NIT2: variants seen among roughly 807,000 people sequenced by gnomAD.
NIT2 encodes the protein nitrilase family member 2, also known as omega-amidase NIT2.
Under a neutral mutation model 42.7 loss-of-function variants are expected in NIT2, and 46 were observed. That is an observed-to-expected ratio of 1.08 (90% confidence interval 0.85 to 1.38). NIT2 has a LOEUF of 1.38. Among genes scored for constraint, NIT2 ranks in the 40% most tolerant of loss-of-function variants. NIT2 has a pLI of 0.00. For missense variants in NIT2, 309 were observed against 342.5 expected (o/e 0.90, Z 0.77); for synonymous variants, 123 against 121.9 (o/e 1.01, Z -0.06).
intron 7 of NIT2, chr3:100,349,104 T>C: frequency 4.9e-6 from 2 of 404,310 alleles, no homozygotes; most frequent in Non-Finnish European, 9.0e-6. Context: ...TTTTGGAAAC[T>C]GTACTTTTTT....
At chr3:100,339,019 A>G in intron 1 of NIT2, 68 bp from the exon 2 acceptor site, 1 of 1,108,852 alleles carries the variant, frequency 9.0e-7, no homozygotes, top group East Asian at 2.4e-5. Context: ...CCATTTGAGA[A>G]CTATGGCTCT....
chr3:100,348,664 G>T, intron 6 of NIT2, 139 bp from the exon 7 acceptor site: 1 of 623,306 alleles, frequency 1.6e-6, no homozygotes. Context: ...ATTGCTGCTG[G>T]CACTGTCTGA....
intron 3 of NIT2, among the ~76,000 whole-genome samples, chr3:100,340,554 T>G (rs1484598591): frequency 2.6e-5 from 4 of 152,214 alleles, no homozygotes; most frequent in Admixed American, 2.6e-4. Context: ...TGATGATATA[T>G]TAAGAATTAG....
chr3:100,345,485 T>C lies in NIT2; in HGVS notation c.337-100T>C. On this transcript the variant is annotated intron_variant, in intron 4 of 9. Transcript: ENST00000394140. ...TTGGGGGTGCTGTTTGTATAGTTAATCTTAGAGCACCTTCCGTATCTGCCC... is the reference window on the plus strand; with the variant it reads ...TTGGGGGTGCTGTTTGTATAGTTAACCTTAGAGCACCTTCCGTATCTGCCC... The C allele has an allele frequency of 5.1e-6, 4 of 779,552 alleles. No homozygotes were observed. The Admixed American group carries it at 8.6e-5, about 17-fold the overall frequency. 48.3% of individuals were successfully genotyped at this position (779,552 alleles called of 1,614,324 possible).
chr3:100,355,127 T>G (rs1402798523), intron 9 of NIT2, 50 bp from the exon 10 acceptor site: 3 of 1,341,376 alleles, frequency 2.2e-6, no homozygotes, highest in Non-Finnish European at 2.1e-6. Context: ...ATCCCCTTGG[T>G]TAGTGAGGAG....
intron 4 of NIT2, 81 bp from the exon 5 acceptor site, chr3:100,345,504 T>G (rs888231680): frequency 4.2e-6 from 4 of 945,528 alleles, no homozygotes; most frequent in Non-Finnish European, 6.7e-6. Context: ...ACCTTCCGTA[T>G]CTGCCCGGGG....
chr3:100,336,267 A>G (rs1454151714), intron 1 of NIT2, among the ~76,000 whole-genome samples: 1 of 152,192 alleles, frequency 6.6e-6, no homozygotes, highest in Non-Finnish European at 1.5e-5. Context: ...CTCTAATGGT[A>G]GGATTTTCAG....
chr3:100,335,051 C>G, intron 1 of NIT2: 1 of 512,090 alleles, frequency 2.0e-6, no homozygotes, highest in South Asian at 1.6e-5. Flanking sequence ...CGCCGGCACC[C>G]GCCGCGTCCT....
At chr3:100,339,421 C>T (rs1340588569) in intron 2 of NIT2, among the ~76,000 whole-genome samples, 3 of 152,294 alleles carry the variant, frequency 2.0e-5, no homozygotes, top group Non-Finnish European at 4.4e-5. Context: ...GGATCTTCCT[C>T]TTTGTTCAGA....
chr3:100,355,039 C>T (rs1459963923), intron 9 of NIT2, 138 bp from the exon 10 acceptor site: 4 of 721,772 alleles, frequency 5.5e-6, no homozygotes, highest in Non-Finnish European at 9.4e-6. Flanking sequence ...GATGCCAGGC[C>T]ATCTGTGCAC....
rs753430952 is a variant in NIT2, at chr3:100,345,668, A to AT, written c.423dup (p.Asp142Ter). The AT allele has an allele frequency of 6.2e-7, 1 of 1,606,616 alleles. No individual in the cohort carries two copies. Among genetic ancestry groups the AT allele is most frequent in the Non-Finnish European group, 8.5e-7 (1 of 1,173,408 alleles). On this transcript the variant is annotated frameshift_variant, in exon 5 of 10. Coordinates refer to ENST00000394140, the MANE Select transcript of NIT2 (RefSeq NM_020202.5). LOFTEE classifies it high-confidence loss of function. Reference sequence around the variant, plus strand: ...TGAGTCCGGGTGATAGTTTCTCCACATTTGATACTCGTATGTACCAGATAA... The same window carrying AT: ...TGAGTCCGGGTGATAGTTTCTCCACATTTTGATACTCGTATGTACCAGATAA...
At chr3:100,349,085 C>A in intron 7 of NIT2, 2 of 449,832 alleles carry the variant, frequency 4.4e-6, no homozygotes, top group Middle Eastern at 6.1e-4. Flanking sequence ...ACAATACCAA[C>A]CTCATGGATT....
intron 4 of NIT2, among the ~76,000 whole-genome samples, chr3:100,344,438 C>T (rs1706189499): frequency 6.6e-6 from 1 of 152,204 alleles, no homozygotes; most frequent in Non-Finnish European, 1.5e-5. Flanking sequence ...GGAAGAACAG[C>T]CAGCATTGGA....
intron 4 of NIT2, among the ~76,000 whole-genome samples, chr3:100,345,024 G>A (rs1305120597): frequency 3.3e-5 from 5 of 150,954 alleles, no homozygotes; most frequent in African/African-American, 1.2e-4. Flanking sequence ...GCGTGATCTC[G>A]GCTCACTGCA....
rs1706113674 is a variant in NIT2, at chr3:100,339,144, C to G, written c.65C>G (p.Thr22Ser). ...QISSIKSDNV[T>S]RACSFIREAA... ...TCTTCCATCAAATCAGATAACGTCA[C>G]TCGCGCTTGTAGCTTCATCCGGGAG... Residue 22 changes from threonine to serine, a missense_variant, in exon 2 of 10, where the codon ACT (threonine) becomes AGT (serine). Coordinates refer to ENST00000394140, the MANE Select transcript of NIT2 (RefSeq NM_020202.5). 6.2e-7 allele frequency: 1 copy of G among 1,614,010 alleles called. No homozygotes were observed. Among genetic ancestry groups the G allele is most frequent in the South Asian group, 1.1e-5 (1 of 91,088 alleles).
At chr3:100,353,940 T>A (rs902937929) in intron 8 of NIT2, among the ~76,000 whole-genome samples, 2 of 152,100 alleles carry the variant, frequency 1.3e-5, no homozygotes, top group Non-Finnish European at 2.9e-5. Flanking sequence ...CACGCCCAGA[T>A]AATTTTTGCA....
intron 8 of NIT2, among the ~76,000 whole-genome samples, chr3:100,354,370 G>C (rs1706303542): frequency 6.6e-6 from 1 of 152,230 alleles, no homozygotes; most frequent in Non-Finnish European, 1.5e-5. Flanking sequence ...AGTGGGTCTG[G>C]ACTGCCATTG....
chr3:100,339,270 C>A, intron 2 of NIT2, 65 bp downstream of exon 2: 1 of 1,020,902 alleles, frequency 9.8e-7, no homozygotes, highest in Non-Finnish European at 1.6e-6. Context: ...TGTTTGCTAG[C>A]TCTGGTTGTC....
chr3:100,342,121 C>CT (rs940039494), intron 4 of NIT2, among the ~76,000 whole-genome samples: 3 of 151,924 alleles, frequency 2.0e-5, no homozygotes, highest in African/African-American at 7.2e-5. Context: ...TGAAATATCT[C>CT]TTTTTTTTCT....
Sources: gnomAD v4.1 joint callset for allele counts (sites outside exome capture counted in the v4.1 genomes callset) on GRCh38, gnomAD v4.1.1 for gene constraint, MANE v1.5 for transcripts, NCBI Gene and HGNC (gene_info 2026-07-23, HGNC 2026-07-21) for gene names.